The following MORF4L1 variants were observed in gnomAD, a reference collection of about 807,000 sequenced individuals.
The protein encoded by MORF4L1 is mortality factor 4 like 1, also known as mortality factor 4-like protein 1.
Under a neutral mutation model 52.9 loss-of-function variants are expected in MORF4L1, and 4 were observed. The ratio of observed to expected loss-of-function variants is 0.08; its 90% CI spans 0.04 to 0.17. The LOEUF (loss-of-function observed/expected upper bound fraction) is 0.17, where lower values mean the gene tolerates loss of function less well. Among genes scored for constraint, MORF4L1 ranks in the 10% least tolerant of loss-of-function variants. The probability of loss-of-function intolerance (pLI) is 1.00; values close to 1 mark genes in which losing one functional copy is unlikely to be tolerated. For synonymous variants in MORF4L1, 123 were observed against 134.8 expected (o/e 0.91, Z 0.61); for missense variants, 214 against 390.4 (o/e 0.55, Z 3.81).
In MORF4L1 at chr15:78,891,015, G is replaced by C; in HGVS notation, c.349+1G>C. On this transcript the variant is annotated splice_donor_variant, in intron 6 of 11. Coordinates refer to ENST00000426013, the MANE Select transcript of MORF4L1 (RefSeq NM_006791.4). LOFTEE classifies it high-confidence loss of function. The stretch of plus-strand genomic sequence containing the variant: ...AAAACGAAAAAGAACAAACAGAAAA[G>C]TAAGAATATTAACTTTCTTAACGTT... 1 of 1,462,336 alleles carries C rather than the reference G, an allele frequency of 6.8e-7. No individual in the cohort carries two copies. The highest frequency in any genetic ancestry group is 9.2e-7 in the Non-Finnish European group (1 of 1,085,154). The allele number at this position is 1,462,336 out of a possible 1,614,324, so 90.6% of individuals were successfully genotyped here. A position where few individuals can be genotyped will look rare whatever the true frequency, so the allele number is the denominator to read the frequency against.
chr15:78,892,975 C>T (rs778158548), intron 8 of MORF4L1: 2 of 153,318 alleles, frequency 1.3e-5, no homozygotes, highest in Admixed American at 6.5e-5. Context: ...AGCTAAACTG[C>T]GAAGATTCAA....
chr15:78,890,833 C>T (rs1596249727), intron 5 of MORF4L1, 156 bp from the exon 6 acceptor site: 4 of 627,992 alleles, frequency 6.4e-6, no homozygotes, highest in Non-Finnish European at 6.8e-6. Context: ...AACCAACTAT[C>T]AATAAAAATC....
chr15:78,885,372 T>C (rs946790513), intron 3 of MORF4L1, among the ~76,000 whole-genome samples: 1 of 152,142 alleles, frequency 6.6e-6, no homozygotes, highest in Non-Finnish European at 1.5e-5. Flanking sequence ...TAATCAGAAA[T>C]TGTGTTTTGA....
At chr15:78,875,797 A>G (rs2141585922) in intron 1 of MORF4L1, among the ~76,000 whole-genome samples, 1 of 152,148 alleles carries the variant, frequency 6.6e-6, no homozygotes, top group Admixed American at 6.5e-5. Flanking sequence ...AAAAAAAAAA[A>G]AATTTATTAA....
intron 3 of MORF4L1, chr15:78,885,147 C>G (rs920806060): frequency 2.3e-6 from 3 of 1,303,616 alleles, no homozygotes; most frequent in Admixed American, 2.0e-5. Flanking sequence ...TATTATTTTC[C>G]TCTTGGCTGT....
chr15:78,878,058 T>C, intron 1 of MORF4L1, 155 bp from the exon 2 acceptor site: 1 of 565,990 alleles, frequency 1.8e-6, no homozygotes, highest in Non-Finnish European at 3.0e-6. Flanking sequence ...TAGGGTATAG[T>C]TGAAGTTTGA....
chr15:78,875,037 A>C (rs867166218), intron 1 of MORF4L1, among the ~76,000 whole-genome samples: 1 of 152,146 alleles, frequency 6.6e-6, no homozygotes. Flanking sequence ...TATTTCTTCA[A>C]AATTAGGGTA....
chr15:78,880,422 CT>C (rs1427113162), intron 2 of MORF4L1, 89 bp from the exon 3 acceptor site: 24 of 887,408 alleles, frequency 2.7e-5, no homozygotes, highest in Non-Finnish European at 3.9e-5. Context: ...CACCATAAAG[CT>C]TGTGTAGAGT....
Position 78,897,245 on chromosome 15 carries a change from C to CTT in MORF4L1, c.*188_*189dup, listed in dbSNP as rs540204037. The stretch of plus-strand genomic sequence containing the variant: ...GGTAATAGCTCCTTTTTTCTTCTTT[C>CTT]TTTTTTTTTTTCATTTCAAAATTGC... On this transcript the variant is annotated 3_prime_UTR_variant, in exon 12 of 12. Coordinates refer to ENST00000426013, the MANE Select transcript of MORF4L1 (RefSeq NM_006791.4). The CTT allele has an allele frequency of 1.0e-4, 40 of 392,784 alleles. No individual in the cohort carries two copies. Among genetic ancestry groups the CTT allele is most frequent in the African/African-American group, 1.1e-4 (5 of 46,126 alleles). The allele number at this position is 392,784 out of a possible 1,614,324, so 24.3% of individuals were successfully genotyped here.
At position 78,897,132 on chromosome 15, in the gene MORF4L1, T is replaced by C. The variant is rs1013759299; in HGVS notation, c.*65T>C. 1.6e-6 allele frequency: 2 copies of C among 1,272,306 alleles called. No individual in the cohort carries two copies. The highest frequency in any genetic ancestry group is 2.9e-5 in the African/African-American group (2 of 68,568). 78.8% of individuals were successfully genotyped at this position (1,272,306 alleles called of 1,614,324 possible). On this transcript the variant is annotated 3_prime_UTR_variant, in exon 12 of 12. Coordinates refer to ENST00000426013, the MANE Select transcript of MORF4L1 (RefSeq NM_006791.4). Reference sequence around the variant, plus strand: ...ACATTTTTGTTCTTAGTCTATCTCTTGTACAAACGATGTGCTTTGAAGATG... The same window carrying C: ...ACATTTTTGTTCTTAGTCTATCTCTCGTACAAACGATGTGCTTTGAAGATG...
intron 7 of MORF4L1, among the ~76,000 whole-genome samples, chr15:78,891,909 A>G (rs1193757871): frequency 6.6e-6 from 1 of 152,192 alleles, no homozygotes; most frequent in Non-Finnish European, 1.5e-5. Context: ...TAAATAAGAA[A>G]ATACTAAGTT....
At position 78,891,346 on chromosome 15, in the gene MORF4L1, T is replaced by C. The variant is rs2056798451; in HGVS notation, c.350-138T>C. On this transcript the variant is annotated intron_variant, in intron 6 of 11. Coordinates refer to ENST00000426013, the MANE Select transcript of MORF4L1 (RefSeq NM_006791.4). The stretch of plus-strand genomic sequence containing the variant: ...ATGAAAGTTGTATTTTTGGTAGGAA[T>C]ATGATTCTTTAACTTAGATTGAGGT... 1.3e-5 allele frequency: 9 copies of C among 713,132 alleles called. No individual in the cohort carries two copies. The South Asian group carries it at 1.7e-4, about 13-fold the overall frequency. 44.2% of individuals were successfully genotyped at this position (713,132 alleles called of 1,614,324 possible).
chr15:78,888,467 A>T (rs1283524940), intron 5 of MORF4L1, among the ~76,000 whole-genome samples: 1 of 152,052 alleles, frequency 6.6e-6, no homozygotes, highest in East Asian at 1.9e-4. Flanking sequence ...AAAAAAGTTG[A>T]TGTACCTGAA....
At chr15:78,896,384 T>G (rs373525889) in intron 11 of MORF4L1, among the ~76,000 whole-genome samples, 1 of 136,862 alleles carries the variant, frequency 7.3e-6, no homozygotes, top group East Asian at 2.5e-4. Context: ...TGATCTCAGC[T>G]CACCACAACC....
intron 5 of MORF4L1, chr15:78,887,585 C>G (rs576845831): frequency 2.9e-5 from 10 of 350,242 alleles, no homozygotes; most frequent in African/African-American, 2.1e-4. Context: ...GTGATGTTTT[C>G]TCTTACAAAG....
intron 2 of MORF4L1, among the ~76,000 whole-genome samples, chr15:78,879,934 A>G (rs4778627): frequency 0.046 from 7,068 of 152,298 alleles, 636 homozygotes; most frequent in East Asian, 0.37. Context: ...GAAACAAATT[A>G]AACTGTTGTG....
intron 5 of MORF4L1, chr15:78,887,590 A>C (rs1332950559): frequency 5.8e-6 from 2 of 347,740 alleles, no homozygotes; most frequent in Non-Finnish European, 1.0e-5. Flanking sequence ...GTTTTCTCTT[A>C]CAAAGATAGT....
intron 2 of MORF4L1, among the ~76,000 whole-genome samples, chr15:78,879,179 T>A (rs1026342441): frequency 6.6e-6 from 1 of 152,280 alleles, no homozygotes; most frequent in African/African-American, 2.4e-5. Context: ...AAGGCCAGTT[T>A]GGGCAACCAA....
chr15:78,877,006 C>T (rs1395262628), intron 1 of MORF4L1, among the ~76,000 whole-genome samples: 3 of 151,506 alleles, frequency 2.0e-5, no homozygotes, highest in Non-Finnish European at 4.4e-5. Context: ...GTGGTGTGAT[C>T]TCTGCTCACT....
Sources: gnomAD v4.1 joint callset for allele counts (sites outside exome capture counted in the v4.1 genomes callset) on GRCh38, gnomAD v4.1.1 for gene constraint, MANE v1.5 for transcripts, NCBI Gene and HGNC (gene_info 2026-07-23, HGNC 2026-07-21) for gene names.